The following PAMR1 variants were observed in gnomAD, a reference collection of about 807,000 sequenced individuals.
PAMR1 encodes the protein inactive serine protease PAMR1.
In PAMR1, 88 loss-of-function variants were observed where a neutral mutation model predicts 81.8. That is an observed-to-expected ratio of 1.08 (90% CI 0.91 to 1.28). The LOEUF is 1.28. Among genes scored for constraint, PAMR1 ranks in the 50% most tolerant of loss-of-function variants. The pLI is 0.00. For missense variants in PAMR1, 935 were observed against 919.7 expected (o/e 1.02, Z -0.21); for synonymous variants, 336 against 345.3 (o/e 0.97, Z 0.30).
intron 3 of PAMR1, among the ~76,000 whole-genome samples, chr11:35,481,212 T>C (rs1850384392): frequency 6.6e-6 from 1 of 152,220 alleles, no homozygotes; most frequent in Non-Finnish European, 1.5e-5. Context: ...TTCCTTTGGG[T>C]ATACACCCAG....
chr11:35,510,462 C>A (rs1851051412), intron 1 of PAMR1, among the ~76,000 whole-genome samples: 1 of 147,182 alleles, frequency 6.8e-6, no homozygotes, highest in South Asian at 2.3e-4. Context: ...GCACAACCCT[C>A]CCCGCCCCCA....
intron 8 of PAMR1, chr11:35,436,347 C>G (rs551651221): frequency 2.0e-6 from 1 of 501,586 alleles, no homozygotes; most frequent in Non-Finnish European, 3.6e-6. Flanking sequence ...TGTAGTGATG[C>G]GATCTTGGCT....
intron 1 of PAMR1, among the ~76,000 whole-genome samples, chr11:35,518,513 C>T (rs2184206): frequency 0.4 from 60,225 of 150,172 alleles, 12,875 homozygotes; most frequent in East Asian, 0.7. Flanking sequence ...CTGTATTCCA[C>T]GGAGCACTAA....
At chr11:35,515,585 G>A (rs17482) in intron 1 of PAMR1, among the ~76,000 whole-genome samples, 53,813 of 151,996 alleles carry the variant, frequency 0.35, 9,969 homozygotes, top group East Asian at 0.62. Context: ...CATGAGCAAC[G>A]TCTCATCTGC....
chr11:35,504,586 ATTTC>A (rs1850915067), intron 1 of PAMR1, among the ~76,000 whole-genome samples: 2 of 151,900 alleles, frequency 1.3e-5, no homozygotes, highest in Non-Finnish European at 2.9e-5. Context: ...GGGGTTCTCT[ATTTC>A]TTCCTGGTTC....
chr11:35,503,283 CT>C (rs35661071), intron 1 of PAMR1, among the ~76,000 whole-genome samples: 19,389 of 139,608 alleles, frequency 0.14, 1,340 homozygotes, highest in East Asian at 0.33. Context: ...ATGTCTCCAG[CT>C]TTTTTTTTTT....
intron 6 of PAMR1, among the ~76,000 whole-genome samples, chr11:35,449,040 C>A (rs1272211451): frequency 2.0e-5 from 3 of 152,208 alleles, no homozygotes; most frequent in African/African-American, 4.8e-5. Flanking sequence ...ACAGGGGCAC[C>A]AAACTGATGC....
intron 6 of PAMR1, among the ~76,000 whole-genome samples, chr11:35,459,591 C>T (rs1412706443): frequency 6.6e-6 from 1 of 152,150 alleles, no homozygotes; most frequent in Admixed American, 6.5e-5. Context: ...TCTGTTTAGC[C>T]TTGGGGATGA....
At chr11:35,518,998 C>G (rs1344182392) in intron 1 of PAMR1, among the ~76,000 whole-genome samples, 1 of 152,100 alleles carries the variant, frequency 6.6e-6, no homozygotes. Context: ...TGCTTGCTGC[C>G]AAACCACTAA....
At chr11:35,443,031 G>A (rs1246680849) in intron 6 of PAMR1, among the ~76,000 whole-genome samples, 1 of 152,090 alleles carries the variant, frequency 6.6e-6, no homozygotes, top group African/African-American at 2.4e-5. Context: ...CTGTCACACA[G>A]GCATTGATTA....
intron 6 of PAMR1, among the ~76,000 whole-genome samples, chr11:35,465,057 G>A (rs572723237): frequency 1.3e-5 from 2 of 152,196 alleles, no homozygotes; most frequent in South Asian, 4.1e-4. Flanking sequence ...TACAGCAAGT[G>A]TCGTGTCTGA....
intron 4 of PAMR1, among the ~76,000 whole-genome samples, chr11:35,473,810 T>A (rs928652980): frequency 1.3e-5 from 2 of 152,150 alleles, no homozygotes; most frequent in African/African-American, 4.8e-5. Flanking sequence ...GGATTTTAAA[T>A]CCGTTCACTG....
At chr11:35,449,270 C>T (rs1279861292) in intron 6 of PAMR1, among the ~76,000 whole-genome samples, 3 of 151,286 alleles carry the variant, frequency 2.0e-5, no homozygotes, top group Non-Finnish European at 4.4e-5. Flanking sequence ...ATCATGACTG[C>T]CTCCCCACAG....
At position 35,501,568 on chromosome 11, in the gene PAMR1, A is replaced by AT. The variant is rs79169307; in HGVS notation, c.74-7297dup. Reference sequence around the variant, plus strand: ...TCCTGTTTTTAATTTAATTATTATTATTTTTTTTTTACTTTTTAAACTTAT... The same window carrying AT: ...TCCTGTTTTTAATTTAATTATTATTATTTTTTTTTTTACTTTTTAAACTTAT... On this transcript the variant is annotated intron_variant, in intron 1 of 10. Transcript: ENST00000619888. Among the ~76,000 whole-genome samples, 116 of 150,078 alleles carry AT rather than the reference A, an allele frequency of 7.7e-4. 1 individual carries two copies. The South Asian group carries it at 0.012, about 16-fold the overall frequency.
chr11:35,491,638 G>A (rs930991787), intron 3 of PAMR1, among the ~76,000 whole-genome samples: 6 of 152,202 alleles, frequency 3.9e-5, no homozygotes, highest in Admixed American at 1.3e-4. Context: ...CTAGCAATTT[G>A]CTGTGGGTTG....
intron 1 of PAMR1, among the ~76,000 whole-genome samples, chr11:35,514,922 T>C (rs1362261535): frequency 6.6e-6 from 1 of 152,162 alleles, no homozygotes; most frequent in Non-Finnish European, 1.5e-5. Context: ...GGAGGATCAC[T>C]CGAGCCCAGC....
intron 6 of PAMR1, among the ~76,000 whole-genome samples, chr11:35,456,984 T>G (rs1231550066): frequency 6.6e-6 from 1 of 152,196 alleles, no homozygotes; most frequent in African/African-American, 2.4e-5. Flanking sequence ...AATGCAACCC[T>G]AAAATATATG....
chr11:35,467,783 G>C (rs1856782446), intron 6 of PAMR1, among the ~76,000 whole-genome samples: 3 of 152,166 alleles, frequency 2.0e-5, no homozygotes, highest in Admixed American at 2.0e-4. Context: ...GCAAGTGAGG[G>C]TTGGAAATGT....
intron 1 of PAMR1, among the ~76,000 whole-genome samples, chr11:35,525,106 T>C (rs1427696558): frequency 6.6e-6 from 1 of 152,196 alleles, no homozygotes; most frequent in Non-Finnish European, 1.5e-5. Context: ...CCCTCTCTTC[T>C]TTCTTTCTTG....
Sources: allele counts gnomAD v4.1 joint callset (sites outside exome capture counted in the v4.1 genomes callset), GRCh38; gene constraint gnomAD v4.1.1; transcripts MANE v1.5; gene names NCBI Gene and HGNC (gene_info 2026-07-23, HGNC 2026-07-21).